Variants in PAOX observed in about 807,000 individuals in gnomAD.
The protein encoded by PAOX is polyamine oxidase, also known as peroxisomal N(1)-acetyl-spermine/spermidine oxidase.
PAOX carries 38 observed loss-of-function variants against 39.0 expected under a neutral mutation model. The ratio of observed to expected loss-of-function variants is 0.97; its 90% CI spans 0.75 to 1.28. PAOX has a LOEUF of 1.28. PAOX is among the 50% of genes most tolerant of loss of function. The pLI is 0.00. For synonymous variants in PAOX, 311 were observed against 314.4 expected (o/e 0.99, Z 0.11); for missense variants, 667 against 685.7 (o/e 0.97, Z 0.30).
rs761274269 is a variant in PAOX at position 133,380,175 on chromosome 10, G to A, written c.358G>A (p.Ala120Thr). The A allele has an allele frequency of 2.1e-5, 34 of 1,611,170 alleles. No homozygotes were observed. Among genetic ancestry groups the A allele is most frequent in the Non-Finnish European group, 2.4e-5 (28 of 1,178,900 alleles). ...CTCCGTGAGCTACGCCAGCTCCGGG[G>A]CCAGCGTGAGCCTCCAGCTGGTGGC... ...LPSVSYASSGASVSLQLVAEM... is the reference protein window; with the variant it reads ...LPSVSYASSGTSVSLQLVAEM... The change falls in exon 2 of 7, where the codon GCC becomes ACC. Residue 120 changes from alanine (A) to threonine (T), a missense_variant. Transcript: ENST00000278060.
At chr10:133,381,428 C>G (rs768530473) in intron 2 of PAOX, 32 bp from the exon 3 acceptor site, 4 of 1,602,980 alleles carry the variant, frequency 2.5e-6, no homozygotes, top group Non-Finnish European at 8.5e-7. Context: ...AGGGACTGGG[C>G]CTCTACGAAA....
Position 133,384,033 on chromosome 10 carries a change from G to A in PAOX, c.942G>A (p.Lys314=). ...LPAEKAEAIR[K]IGFGTNNKIF... ...CTGAGAAGGCAGAAGCAATCAGGAA[G>A]ATAGGCTTTGGGACCAACAACAAAA... is the stretch of plus-strand genomic sequence containing the variant. The change falls in exon 4 of 7, where the codon AAG becomes AAA. Residue 314 remains lysine (K), a synonymous_variant. Transcript: ENST00000278060. The surrounding 1 kb of genome is among the most constrained non-coding windows in gnomAD (Gnocchi z 4.3). 6.2e-7 allele frequency: 1 copy of A among 1,614,220 alleles called. No individual in the cohort carries two copies. Among genetic ancestry groups the A allele is most frequent in the Non-Finnish European group, 8.5e-7 (1 of 1,180,032 alleles).
chr10:133,390,693 T>C (rs1346308166), intron 6 of PAOX: 1 of 518,314 alleles, frequency 1.9e-6, no homozygotes, highest in Non-Finnish European at 3.5e-6. Context: ...AATCAGCTCA[T>C]GGTCTCTCTT....
chr10:133,384,363 T>C lies in PAOX; in HGVS notation c.1121+151T>C. On this transcript the variant is annotated intron_variant, in intron 4 of 6. Coordinates refer to ENST00000278060, the MANE Select transcript of PAOX (RefSeq NM_152911.4). This position sits in a 1 kb window ranked among gnomAD's most constrained non-coding sequence, Gnocchi z 4.3. ...GAGCGCCCCCCCACCAGGTGCTGGC[T>C]GCACCTGGGCCTGACCCCTGCGGGG... 8.0e-7 allele frequency: 1 copy of C among 1,243,560 alleles called. No individual in the cohort carries two copies. The highest frequency in any genetic ancestry group is 1.5e-5 in the South Asian group (1 of 68,170). The allele number at this position is 1,243,560 out of a possible 1,614,324, so 77.0% of individuals were successfully genotyped here. A position where few individuals can be genotyped will look rare whatever the true frequency, so the allele number is the denominator to read the frequency against.
chr10:133,387,953 G>A (rs935379598), intron 4 of PAOX, among the ~76,000 whole-genome samples: 2 of 151,934 alleles, frequency 1.3e-5, no homozygotes, highest in African/African-American at 4.8e-5. Flanking sequence ...TCCTGACCTC[G>A]TGATCCGCCC....
At chr10:133,386,567 C>T (rs1225287434) in intron 4 of PAOX, among the ~76,000 whole-genome samples, 9 of 150,814 alleles carry the variant, frequency 6.0e-5, no homozygotes, top group Non-Finnish European at 4.4e-5. Context: ...CTCCGCCTCC[C>T]GGGTTCAAGC....
At chr10:133,385,111 C>A (rs1184700512) in intron 4 of PAOX, among the ~76,000 whole-genome samples, 1 of 152,124 alleles carries the variant, frequency 6.6e-6, no homozygotes. Context: ...GCCTGGCCAA[C>A]ATGATGAAAC....
At chr10:133,381,229 G>T (rs1477477251) in intron 2 of PAOX, among the ~76,000 whole-genome samples, 1 of 152,240 alleles carries the variant, frequency 6.6e-6, no homozygotes, top group Non-Finnish European at 1.5e-5. Context: ...CCGGCAGATT[G>T]CCTTGAGTGC....
intron 4 of PAOX, 48 bp from the exon 5 acceptor site, chr10:133,388,908 T>G (rs1849594794): frequency 1.1e-6 from 1 of 870,986 alleles, no homozygotes; most frequent in Admixed American, 1.7e-5. Flanking sequence ...CAGGGCTCTC[T>G]TTCTCCATGC....
At chr10:133,381,421 G>A in intron 2 of PAOX, 39 bp from the exon 3 acceptor site, 1 of 1,594,900 alleles carries the variant, frequency 6.3e-7, no homozygotes. Flanking sequence ...CCCTTCCAGG[G>A]ACTGGGCCTC....
intron 3 of PAOX, 141 bp downstream of exon 3, chr10:133,381,800 T>G: frequency 1.2e-6 from 1 of 826,166 alleles, no homozygotes; most frequent in Non-Finnish European, 1.9e-6. Flanking sequence ...GTGGAAGGAA[T>G]GATTCTGTTA....
In PAOX at chr10:133,380,214, C is replaced by G; in HGVS notation, c.397C>G (p.Leu133Val). The change falls in exon 2 of 7, where the codon CTG becomes GTG. Residue 133 changes from leucine (L) to valine (V), a missense_variant. Leu to Val is a conservative substitution (Grantham distance 32). Transcript: ENST00000278060. ...CCAGCTGGTGGCGGAGATGGCGACT[C>G]TGTTCTACGGCCTGATAGACCAGAC... ...SLQLVAEMATLFYGLIDQTRE... is the reference protein window; with the variant it reads ...SLQLVAEMATVFYGLIDQTRE... 6.2e-7 allele frequency: 1 copy of G among 1,612,886 alleles called. No individual in the cohort carries two copies. Among genetic ancestry groups the G allele is most frequent in the Non-Finnish European group, 8.5e-7 (1 of 1,179,992 alleles).
intron 6 of PAOX, among the ~76,000 whole-genome samples, chr10:133,390,126 T>G (rs74164173): frequency 0.069 from 10,475 of 151,992 alleles, 390 homozygotes; most frequent in Middle Eastern, 0.12. Context: ...CATACTAAAG[T>G]AGGGAGAACC....
chr10:133,380,242 G>A lies in PAOX; in HGVS notation c.425G>A (p.Arg142Gln). The A allele has an allele frequency of 1.2e-6, 2 of 1,612,900 alleles. No homozygotes were observed. Among genetic ancestry groups the A allele is most frequent in the East Asian group, 2.2e-5 (1 of 44,874 alleles). ...TTCTACGGCCTGATAGACCAGACCCGGGAGTTCCTGCACGCTGCAGAGACC... is the reference window on the plus strand; with the variant it reads ...TTCTACGGCCTGATAGACCAGACCCAGGAGTTCCTGCACGCTGCAGAGACC... ...TLFYGLIDQT[R>Q]EFLHAAETPV... Residue 142 changes from arginine (R) to glutamine (Q), a missense_variant, in exon 2 of 7, where the codon CGG becomes CAG. Coordinates refer to ENST00000278060, the MANE Select transcript of PAOX (RefSeq NM_152911.4).
At chr10:133,389,476 T>C (rs1849611139) in intron 5 of PAOX, 114 bp from the exon 6 acceptor site, 1 of 1,453,610 alleles carries the variant, frequency 6.9e-7, no homozygotes, top group Non-Finnish European at 9.5e-7. Context: ...TGCTCACTTT[T>C]CTTCCTGCAT....
rs60370984 is a variant in PAOX, at chr10:133,386,018, C to CTTT, written c.1121+1821_1121+1823dup. ...CAGCAGTTTTGTCTTTTCTGCAAAACTTTTTTTTTTTTTTTTTGAGACAAG... is the reference window on the plus strand; with the variant it reads ...CAGCAGTTTTGTCTTTTCTGCAAAACTTTTTTTTTTTTTTTTTTTTGAGACAAG... On this transcript the variant is annotated intron_variant, in intron 4 of 6. Coordinates refer to ENST00000278060, the MANE Select transcript of PAOX (RefSeq NM_152911.4). Among the ~76,000 whole-genome samples the CTTT allele has an allele frequency of 1.3e-4, 18 of 141,272 alleles. 1 individual carries two copies. Among genetic ancestry groups the CTTT allele is most frequent in the Admixed American group, 2.1e-4 (3 of 14,134 alleles). 92.7% of individuals were successfully genotyped at this position (141,272 alleles called of 152,430 possible).
intron 2 of PAOX, 85 bp downstream of exon 2, chr10:133,380,570 G>A: frequency 6.9e-7 from 1 of 1,458,648 alleles, no homozygotes; most frequent in Non-Finnish European, 9.1e-7. Flanking sequence ...TCTTGCTTGG[G>A]TATGGGAGGG....
rs541404628 is a variant in PAOX at position 133,382,105 on chromosome 10, A to G, written c.868+446A>G. 1.1e-4 allele frequency among the ~76,000 whole-genome samples: 17 copies of G among 152,230 alleles called. No individual in the cohort carries two copies. In the South Asian group the frequency reaches 3.3e-3, roughly 30 times the overall value. On this transcript the variant is annotated intron_variant, in intron 3 of 6. Coordinates refer to ENST00000278060, the MANE Select transcript of PAOX (RefSeq NM_152911.4). ...TGAAGCTGTTTTATAAAAGGTGGAG[A>G]TGGTTGAAAACAGAGTTACTAGGAT...
In PAOX at chr10:133,387,370, T is replaced by A. The variant is rs192949746; in HGVS notation, c.1122-1586T>A. Among the ~76,000 whole-genome samples the A allele has an allele frequency of 1.6e-4, 25 of 152,340 alleles. No individual in the cohort carries two copies. The East Asian group carries it at 4.0e-3, about 25-fold the overall frequency. ...ATATAAAAAATCAAATTTATTAACA[T>A]ACCACTGATCTCAGAAAAGTCTTTC... On this transcript the variant is annotated intron_variant, in intron 4 of 6. Coordinates refer to ENST00000278060, the MANE Select transcript of PAOX (RefSeq NM_152911.4).
Sources: gnomAD v4.1 joint callset for allele counts (sites outside exome capture counted in the v4.1 genomes callset) on GRCh38, gnomAD v4.1.1 for gene constraint, Gnocchi (gnomAD v3.1) non-coding constraint, MANE v1.5 for transcripts, NCBI Gene and HGNC (gene_info 2026-07-23, HGNC 2026-07-21) for gene names.